Variants in TTC39C observed in about 807,000 individuals in gnomAD.
TTC39C encodes the protein tetratricopeptide repeat protein 39C.
A neutral mutation model predicts 76.3 loss-of-function variants in TTC39C; 33 were observed. That is an observed-to-expected ratio of 0.43 (90% CI 0.33 to 0.58). TTC39C has a LOEUF of 0.58. TTC39C is among the 20% of genes least tolerant of loss of function. TTC39C has a pLI of 0.04. For synonymous variants in TTC39C, 254 were observed against 260.6 expected (o/e 0.97, Z 0.24); for missense variants, 595 against 701.4 (o/e 0.85, Z 1.71).
At chr18:24,042,233 G>A (rs1405244905) in intron 1 of TTC39C, among the ~76,000 whole-genome samples, 2 of 152,116 alleles carry the variant, frequency 1.3e-5, no homozygotes, top group East Asian at 1.9e-4. Context: ...CCTTAACAGT[G>A]CTATAGTGTA....
chr18:24,064,668 G>A (rs1466884245), intron 2 of TTC39C, among the ~76,000 whole-genome samples: 1 of 152,022 alleles, frequency 6.6e-6, no homozygotes, highest in African/African-American at 2.4e-5. Context: ...GTGGAAAATG[G>A]GATACTTCGA....
At chr18:24,106,657 A>G (rs2084748300) in intron 6 of TTC39C, among the ~76,000 whole-genome samples, 1 of 152,176 alleles carries the variant, frequency 6.6e-6, no homozygotes, top group African/African-American at 2.4e-5. Context: ...ACACCTGGCC[A>G]TAGTGCAGCA....
intron 1 of TTC39C, among the ~76,000 whole-genome samples, chr18:24,059,886 A>G (rs951126978): frequency 2.0e-5 from 3 of 152,230 alleles, no homozygotes; most frequent in Admixed American, 1.3e-4. Context: ...CAGAAGGCAG[A>G]GGAGGAGCAA....
chr18:24,005,944 C>G (rs1277056737), intron 1 of TTC39C, among the ~76,000 whole-genome samples: 3 of 151,720 alleles, frequency 2.0e-5, no homozygotes, highest in African/African-American at 4.8e-5. Context: ...TAATTTAGAA[C>G]ATTTTCAAGA....
At chr18:24,078,008 G>A (rs1008029832) in intron 4 of TTC39C, among the ~76,000 whole-genome samples, 1 of 152,130 alleles carries the variant, frequency 6.6e-6, no homozygotes, top group Non-Finnish European at 1.5e-5. Flanking sequence ...ATTTCACTTC[G>A]ATTCACCCAG....
chr18:24,090,615 G>T (rs1007005705), intron 6 of TTC39C, among the ~76,000 whole-genome samples: 1 of 151,262 alleles, frequency 6.6e-6, no homozygotes, highest in Non-Finnish European at 1.5e-5. Flanking sequence ...AAACTCAAGG[G>T]CCCCAAAATA....
At chr18:24,064,316 GT>G in intron 2 of TTC39C, 128 bp downstream of exon 2, 1 of 1,066,122 alleles carries the variant, frequency 9.4e-7, no homozygotes, top group East Asian at 2.7e-5. Flanking sequence ...CTGAAATAAA[GT>G]TTTTGCCTAT....
chr18:24,063,868 A>G (rs1023137432), intron 1 of TTC39C, among the ~76,000 whole-genome samples: 1 of 152,168 alleles, frequency 6.6e-6, no homozygotes, highest in African/African-American at 2.4e-5. Flanking sequence ...CACAGTTACA[A>G]AGTTTACTAA....
At chr18:24,101,993 A>G (rs2084681860) in intron 6 of TTC39C, among the ~76,000 whole-genome samples, 2 of 152,324 alleles carry the variant, frequency 1.3e-5, no homozygotes, top group South Asian at 4.1e-4. Context: ...GGGGTCTTCA[A>G]CTTACTGGCC....
At chr18:24,077,965 C>T (rs1393390777) in intron 4 of TTC39C, among the ~76,000 whole-genome samples, 1 of 152,212 alleles carries the variant, frequency 6.6e-6, no homozygotes, top group Non-Finnish European at 1.5e-5. Flanking sequence ...GGGAAAAAGT[C>T]ATTGAGCCTC....
rs547646904 is a variant in TTC39C, at chr18:24,083,591, A to T, written c.984+510A>T. On this transcript the variant is annotated intron_variant, in intron 6 of 13. Transcript: ENST00000317571. ...AACTTTATACACGCTTTTCCATTTC[A>T]TCCTCAGAACAACCCTGTGACATAG... Among the ~76,000 whole-genome samples the T allele has an allele frequency of 2.0e-5, 3 of 152,258 alleles. No individual in the cohort carries two copies. The South Asian group carries it at 6.2e-4, about 32-fold the overall frequency.
chr18:24,055,938 G>A lies in TTC39C; in HGVS notation c.168-8202G>A, dbSNP rs544691886. Among the ~76,000 whole-genome samples the A allele has an allele frequency of 1.8e-4, 28 of 152,038 alleles. 1 individual carries two copies. In the East Asian group the frequency reaches 2.9e-3, roughly 16 times the overall value. Reference sequence around the variant, plus strand: ...CTTGGCATTGTTTTACTTTTCTTTCGGAAGGAAAGATGAAATACCAAACCA... The same window carrying A: ...CTTGGCATTGTTTTACTTTTCTTTCAGAAGGAAAGATGAAATACCAAACCA... On this transcript the variant is annotated intron_variant, in intron 1 of 13. Transcript: ENST00000317571.
chr18:24,008,912 A>G (rs1257975624), intron 1 of TTC39C, among the ~76,000 whole-genome samples: 3 of 152,218 alleles, frequency 2.0e-5, no homozygotes, highest in Non-Finnish European at 4.4e-5. Context: ...ACATGGATGG[A>G]GCTGGAGGAC....
chr18:24,001,823 G>GTTTTTTTTTT lies in TTC39C; in HGVS notation c.-17+8796_-17+8805dup, dbSNP rs750295981. Among the ~76,000 whole-genome samples, 7 of 57,498 alleles carry GTTTTTTTTTT rather than the reference G, an allele frequency of 1.2e-4. 1 individual carries two copies. The highest frequency in any genetic ancestry group is 9.0e-4 in the South Asian group (2 of 2,220). The allele number at this position is 57,498 out of a possible 152,430, so 37.7% of individuals were successfully genotyped here. On this transcript the variant is annotated intron_variant, in intron 1 of 13. Transcript: ENST00000304621. ...GGAGGGTGAGGTGTACGGTAATTCT[G>GTTTTTTTTTT]TTTTTTTTTTTTTTTTTTTTGAGAC...
At chr18:24,020,099 G>C in intron 1 of TTC39C, 1 of 1,284,024 alleles carries the variant, frequency 7.8e-7, no homozygotes, top group South Asian at 2.7e-5. Flanking sequence ...CACAGATGCA[G>C]AGATGTAAGA....
intron 4 of TTC39C, among the ~76,000 whole-genome samples, chr18:24,073,885 G>A (rs1265820539): frequency 1.3e-5 from 2 of 152,182 alleles, no homozygotes; most frequent in Non-Finnish European, 2.9e-5. Context: ...GTATCACATA[G>A]CAATACTCAT....
At position 24,133,131 on chromosome 18, in the gene TTC39C, CAATT is replaced by C. The variant is rs1439308512; in HGVS notation, c.*563_*566del. The C allele has an allele frequency of 6.6e-6, 1 of 152,176 alleles. No homozygotes were observed. Among genetic ancestry groups the C allele is most frequent in the Non-Finnish European group, 1.5e-5 (1 of 68,050 alleles). The allele number at this position is 152,176 out of a possible 1,614,324, so 9.4% of individuals were successfully genotyped here. On this transcript the variant is annotated 3_prime_UTR_variant, in exon 14 of 14. Coordinates refer to ENST00000317571, the MANE Select transcript of TTC39C (RefSeq NM_001135993.2). ...CACAAAAAGGCAAATTGACTTATCCCAATTAATTATTCCTGTTATCAGCAGAGCA... is the reference window on the plus strand; with the variant it reads ...CACAAAAAGGCAAATTGACTTATCCCAATTATTCCTGTTATCAGCAGAGCA...
intron 6 of TTC39C, chr18:24,099,217 T>C (rs2084647075): frequency 6.6e-6 from 1 of 151,866 alleles, no homozygotes; most frequent in South Asian, 2.1e-4. Context: ...CACTTTTATT[T>C]CTCACAGTTC....
At chr18:24,074,596 A>G (rs1033407883) in intron 4 of TTC39C, among the ~76,000 whole-genome samples, 26 of 152,220 alleles carry the variant, frequency 1.7e-4, no homozygotes, top group African/African-American at 6.0e-4. Flanking sequence ...CAAAATCACA[A>G]TGAGATACCA....
Sources: gnomAD v4.1 joint callset for allele counts (sites outside exome capture counted in the v4.1 genomes callset) on GRCh38, gnomAD v4.1.1 for gene constraint, MANE v1.5 for transcripts, NCBI Gene and HGNC (gene_info 2026-07-23, HGNC 2026-07-21) for gene names.